Variants in TSPEAR observed in about 807,000 individuals in gnomAD.
The protein encoded by TSPEAR is thrombospondin-type laminin G domain and EAR repeat-containing protein.
Under a neutral mutation model 71.6 loss-of-function variants are expected in TSPEAR, and 69 were observed. The observed-to-expected ratio is 0.96, with a 90% CI of 0.79 to 1.18. The LOEUF is 1.18. Ranked by LOEUF, TSPEAR falls within the 50% of genes most tolerant of loss-of-function variation. TSPEAR has a pLI of 0.00. For missense variants in TSPEAR, 971 were observed against 894.9 expected, an observed-to-expected ratio of 1.09 and a Z score of -1.09; for synonymous variants, 402 against 387.2, an observed-to-expected ratio of 1.04 and a Z score of -0.45.
chr21:44,668,758 C>T (rs587608284), intron 1 of TSPEAR, among the ~76,000 whole-genome samples: 5 of 152,282 alleles, frequency 3.3e-5, no homozygotes, highest in African/African-American at 7.2e-5. Flanking sequence ...AAATAATTTT[C>T]GGCAAGGCTG....
chr21:44,602,231 C>G, intron 1 of TSPEAR: 1 of 185,122 alleles, frequency 5.4e-6, no homozygotes, highest in Middle Eastern at 2.5e-3. Context: ...ATGCCCCCCA[C>G]CCGCGGGTGG....
At chr21:44,634,888 T>C (rs1241308221) in intron 1 of TSPEAR, among the ~76,000 whole-genome samples, 2 of 152,212 alleles carry the variant, frequency 1.3e-5, no homozygotes, top group Non-Finnish European at 2.9e-5. Context: ...CTGGAATGTT[T>C]GTACATTGCT....
At chr21:44,589,630 A>G (rs1979620052) in intron 1 of TSPEAR, among the ~76,000 whole-genome samples, 1 of 152,246 alleles carries the variant, frequency 6.6e-6, no homozygotes, top group Non-Finnish European at 1.5e-5. Context: ...ATGAGGACCC[A>G]GAGCAGGGGT....
At chr21:44,525,221 ATCAG>A (rs1255946076) in intron 8 of TSPEAR, among the ~76,000 whole-genome samples, 35 of 152,028 alleles carry the variant, frequency 2.3e-4, no homozygotes, top group African/African-American at 5.1e-4. Context: ...CAGGTCGTCA[ATCAG>A]TCAGTCAGGT....
intron 2 of TSPEAR, among the ~76,000 whole-genome samples, chr21:44,551,748 C>T (rs1205082301): frequency 6.6e-6 from 1 of 152,160 alleles, no homozygotes; most frequent in Admixed American, 6.5e-5. Context: ...GCCTGTCCCC[C>T]GGGAACACCA....
chr21:44,666,168 G>T (rs1985745282), intron 1 of TSPEAR: 1 of 451,398 alleles, frequency 2.2e-6, no homozygotes. Context: ...AAATAAAAAA[G>T]AAAGACCAGA....
intron 1 of TSPEAR, chr21:44,600,554 A>C: frequency 6.5e-7 from 1 of 1,540,070 alleles, no homozygotes; most frequent in South Asian, 1.2e-5. Context: ...AGCACCTAAC[A>C]CACGGACTCA....
At chr21:44,513,317 G>GC (rs1243712656) in intron 9 of TSPEAR, among the ~76,000 whole-genome samples, 8 of 152,180 alleles carry the variant, frequency 5.3e-5, no homozygotes, top group Non-Finnish European at 1.0e-4. Context: ...GTGAGGAGGT[G>GC]CCCCCCAGGG....
chr21:44,675,329 T>C (rs1198721785), intron 1 of TSPEAR, among the ~76,000 whole-genome samples: 1 of 152,162 alleles, frequency 6.6e-6, no homozygotes, highest in African/African-American at 2.4e-5. Context: ...AGAAAGTATA[T>C]GAGCATCTCA....
At chr21:44,697,946 T>C in intron 1 of TSPEAR, 1 of 1,607,270 alleles carries the variant, frequency 6.2e-7, no homozygotes, top group Non-Finnish European at 8.5e-7. Flanking sequence ...CTGAGGCCTC[T>C]GCTCAGGCCA....
At chr21:44,544,400 T>C (rs1160064747) in intron 2 of TSPEAR, among the ~76,000 whole-genome samples, 4 of 152,192 alleles carry the variant, frequency 2.6e-5, no homozygotes, top group African/African-American at 9.7e-5. Context: ...AGTCTATGTA[T>C]TGATGGTGTT....
chr21:44,702,489 G>A (rs368545841), intron 1 of TSPEAR: 1 of 1,608,712 alleles, frequency 6.2e-7, no homozygotes, highest in Non-Finnish European at 8.5e-7. Flanking sequence ...TCTGCTGCAA[G>A]CCTGTCTGTT....
At chr21:44,636,852 G>A (rs1288240056) in intron 1 of TSPEAR, among the ~76,000 whole-genome samples, 1 of 152,206 alleles carries the variant, frequency 6.6e-6, no homozygotes, top group African/African-American at 2.4e-5. Flanking sequence ...CATCTCCTCA[G>A]AGGAGGGGAG....
At position 44,504,800 on chromosome 21, in the gene TSPEAR, C is replaced by T. The variant is rs112006551; in HGVS notation, c.1836G>A (p.Ser612=). 141 of 1,613,478 alleles carry T rather than the reference C, an allele frequency of 8.7e-5. 1 individual carries two copies. The highest frequency in any genetic ancestry group is 2.1e-4 in the South Asian group (19 of 91,076). Residue 612 remains serine (S), a synonymous_variant, in exon 11 of 12, where the codon TCG becomes TCA. Transcript: ENST00000323084. The stretch of plus-strand genomic sequence containing the variant: ...ATTACCTGTAAATAATACTGTTCAC[C>T]GAGAAGGTACGCCCATCGAAGGAGT... The part of the protein sequence containing the change: ...VANSFDGRTF[S]VNSIIYRWQG...
intron 1 of TSPEAR, among the ~76,000 whole-genome samples, chr21:44,707,723 C>G (rs1268082784): frequency 6.6e-6 from 1 of 152,126 alleles, no homozygotes; most frequent in Non-Finnish European, 1.5e-5. Context: ...GTCCTTAACT[C>G]TGAGATTTGT....
intron 10 of TSPEAR, 134 bp downstream of exon 10, chr21:44,509,065 C>T (rs1160478078): frequency 2.2e-6 from 3 of 1,382,980 alleles, no homozygotes; most frequent in Non-Finnish European, 3.0e-6. Flanking sequence ...GTCCCCAGGC[C>T]ATTCTTTCCA....
At chr21:44,567,178 G>A (rs185305975) in intron 2 of TSPEAR, among the ~76,000 whole-genome samples, 17 of 152,188 alleles carry the variant, frequency 1.1e-4, no homozygotes, top group African/African-American at 3.9e-4. Flanking sequence ...ATTAATCCAC[G>A]AAAAACTGGG....
At chr21:44,579,104 C>T (rs782510935) in intron 1 of TSPEAR, among the ~76,000 whole-genome samples, 1 of 152,188 alleles carries the variant, frequency 6.6e-6, no homozygotes, top group African/African-American at 2.4e-5. Context: ...GGTGACCAGG[C>T]CTGGAGGCTG....
chr21:44,677,425 C>A (rs1000738899), intron 1 of TSPEAR: 10 of 979,508 alleles, frequency 1.0e-5, no homozygotes, highest in African/African-American at 6.4e-5. Flanking sequence ...TGCAGAGTGA[C>A]ATTTGCAGTT....
Sources: gnomAD v4.1 joint callset for allele counts (sites outside exome capture counted in the v4.1 genomes callset) on GRCh38, gnomAD v4.1.1 for gene constraint, MANE v1.5 for transcripts, NCBI Gene and HGNC (gene_info 2026-07-23, HGNC 2026-07-21) for gene names.